The following RNF152 variants were observed in gnomAD, a reference collection of about 807,000 sequenced individuals.
RNF152 encodes E3 ubiquitin-protein ligase RNF152.
A neutral mutation model predicts 12.7 loss-of-function variants in RNF152; 11 were observed. The observed-to-expected ratio is 0.86, with a 90% CI of 0.54 to 1.43. The LOEUF is 1.43. Among genes scored for constraint, RNF152 ranks in the 40% most tolerant of loss-of-function variants. The pLI, the probability that RNF152 is intolerant of heterozygous loss-of-function variation, is 0.00. For missense variants in RNF152, 255 were observed against 274.8 expected (o/e 0.93, Z 0.51); for synonymous variants, 113 against 120.3 (o/e 0.94, Z 0.40).
chr18:61,888,556 GC>G (rs1912802790), intron 1 of RNF152: 1 of 152,142 alleles, frequency 6.6e-6, no homozygotes, highest in South Asian at 2.1e-4. Context: ...ACATGATTTT[GC>G]CCCCATTGTA....
intron 1 of RNF152, among the ~76,000 whole-genome samples, chr18:61,885,907 G>A (rs9953088): frequency 0.51 from 76,745 of 150,920 alleles, 19,520 homozygotes; most frequent in East Asian, 0.75. Context: ...GGGGTGGTCT[G>A]GTAGGCTGTA....
intron 1 of RNF152, among the ~76,000 whole-genome samples, chr18:61,877,664 TATC>T (rs1380864085): frequency 4.6e-5 from 7 of 152,212 alleles, no homozygotes; most frequent in African/African-American, 7.2e-5. Flanking sequence ...TAACAAATAT[TATC>T]ATCATCTCAT....
intron 1 of RNF152, among the ~76,000 whole-genome samples, chr18:61,871,666 T>A (rs1912003008): frequency 6.6e-6 from 1 of 152,180 alleles, no homozygotes; most frequent in Non-Finnish European, 1.5e-5. Context: ...GTTCATGGTA[T>A]CCCGATGCCG....
intron 1 of RNF152, among the ~76,000 whole-genome samples, chr18:61,884,574 T>G (rs1912608312): frequency 6.6e-6 from 1 of 152,226 alleles, no homozygotes. Flanking sequence ...TTTGTTTGTT[T>G]GTTTGAGACA....
chr18:61,867,442 A>G (rs1193680224), intron 1 of RNF152, among the ~76,000 whole-genome samples: 5 of 151,790 alleles, frequency 3.3e-5, no homozygotes, highest in Non-Finnish European at 7.4e-5. Flanking sequence ...ACAGAGTGAG[A>G]CACCATCTCA....
At chr18:61,864,736 T>C (rs534591477) in intron 1 of RNF152, among the ~76,000 whole-genome samples, 47 of 152,294 alleles carry the variant, frequency 3.1e-4, no homozygotes, top group Admixed American at 4.6e-4. Flanking sequence ...CTCATTAGCA[T>C]AAGCCAAGGT....
intron 1 of RNF152, among the ~76,000 whole-genome samples, chr18:61,863,324 AC>A (rs1911573260): frequency 6.6e-6 from 1 of 151,350 alleles, no homozygotes; most frequent in African/African-American, 2.4e-5. Context: ...AGTCCCAGCT[AC>A]TCGGGAGGCT....
At chr18:61,881,379 A>C (rs1912456828) in intron 1 of RNF152, among the ~76,000 whole-genome samples, 1 of 152,222 alleles carries the variant, frequency 6.6e-6, no homozygotes, top group Admixed American at 6.5e-5. Flanking sequence ...TCAAGGGAGA[A>C]ATAAAAATGA....
chr18:61,871,618 C>T (rs1026158345), intron 1 of RNF152, among the ~76,000 whole-genome samples: 3 of 152,160 alleles, frequency 2.0e-5, no homozygotes, highest in Admixed American at 2.0e-4. Flanking sequence ...AATGGTAAAA[C>T]CAGGCTATTC....
At chr18:61,867,903 C>T (rs75533121) in intron 1 of RNF152, among the ~76,000 whole-genome samples, 9,013 of 152,242 alleles carry the variant, frequency 0.059, 375 homozygotes, top group African/African-American at 0.11. Flanking sequence ...ATACACAAAA[C>T]GCACATAAAA....
chr18:61,870,095 T>A (rs578076164), intron 1 of RNF152, among the ~76,000 whole-genome samples: 1 of 152,320 alleles, frequency 6.6e-6, no homozygotes, highest in South Asian at 2.1e-4. Context: ...CCTCACGCTC[T>A]CTTGGAAAGA....
chr18:61,837,473 C>T (rs114184534), intron 1 of RNF152, among the ~76,000 whole-genome samples: 410 of 152,292 alleles, frequency 2.7e-3, no homozygotes, highest in African/African-American at 9.3e-3. Context: ...CAGGGTAAAA[C>T]GTCATGATGT....
intron 1 of RNF152, among the ~76,000 whole-genome samples, chr18:61,843,896 T>C (rs1315696292): frequency 1.3e-5 from 2 of 151,966 alleles, no homozygotes; most frequent in African/African-American, 2.4e-5. Flanking sequence ...TTGTACAACA[T>C]TGTGAATGTA....
At chr18:61,860,428 T>C (rs1911418497) in intron 1 of RNF152, among the ~76,000 whole-genome samples, 1 of 152,170 alleles carries the variant, frequency 6.6e-6, no homozygotes, top group Non-Finnish European at 1.5e-5. Context: ...TCCCATAAGA[T>C]TATAATGGAG....
intron 1 of RNF152, among the ~76,000 whole-genome samples, chr18:61,879,031 G>C (rs1465631967): frequency 1.3e-5 from 2 of 152,208 alleles, no homozygotes; most frequent in Non-Finnish European, 2.9e-5. Flanking sequence ...GCCTGAGGGA[G>C]CTGGAGGAGG....
At chr18:61,869,805 G>T (rs527514883) in intron 1 of RNF152, among the ~76,000 whole-genome samples, 1 of 152,128 alleles carries the variant, frequency 6.6e-6, no homozygotes, top group Non-Finnish European at 1.5e-5. Context: ...CATAAACTCA[G>T]ACAAGCCACT....
At chr18:61,835,245 A>G (rs902739766) in intron 1 of RNF152, among the ~76,000 whole-genome samples, 1 of 152,246 alleles carries the variant, frequency 6.6e-6, no homozygotes, top group Non-Finnish European at 1.5e-5. Flanking sequence ...ATTATTTGCA[A>G]TAGGAAAAAA....
chr18:61,885,853 A>C (rs1038933024), intron 1 of RNF152, among the ~76,000 whole-genome samples: 1 of 152,066 alleles, frequency 6.6e-6, no homozygotes, highest in Non-Finnish European at 1.5e-5. Context: ...AACTACACCC[A>C]GTCATCACAA....
intron 1 of RNF152, among the ~76,000 whole-genome samples, chr18:61,842,210 C>T (rs540464828): frequency 3.9e-5 from 6 of 152,306 alleles, no homozygotes; most frequent in African/African-American, 1.2e-4. Context: ...AACAATTTGT[C>T]GTGAACAAGC....
Sources: gnomAD v4.1 joint callset for allele counts (sites outside exome capture counted in the v4.1 genomes callset) on GRCh38, gnomAD v4.1.1 for gene constraint, MANE v1.5 for transcripts, NCBI Gene and HGNC (gene_info 2026-07-23, HGNC 2026-07-21) for gene names.